MATN4: variants seen among roughly 807,000 people sequenced by gnomAD.
MATN4 encodes matrilin-4.
A neutral mutation model predicts 54.6 loss-of-function variants in MATN4; 40 were observed. The observed-to-expected ratio is 0.73, with a 90% CI of 0.57 to 0.95. MATN4 has a LOEUF of 0.95. MATN4 is among the 40% of genes least tolerant of loss of function. The pLI, the probability that MATN4 is intolerant of heterozygous loss-of-function variation, is 0.00. For synonymous variants in MATN4, 351 were observed against 345.3 expected (o/e 1.02, Z -0.18); for missense variants, 810 against 819.1 (o/e 0.99, Z 0.13).
At chr20:45,296,430 G>A (rs1448050983) in intron 8 of MATN4, among the ~76,000 whole-genome samples, 5 of 152,050 alleles carry the variant, frequency 3.3e-5, no homozygotes, top group Non-Finnish European at 7.4e-5. Flanking sequence ...CAAACTGCTG[G>A]AATCCAGCAA....
chr20:45,301,582 TG>T lies in MATN4; in HGVS notation c.644-140del. On this transcript the variant is annotated intron_variant, in intron 3 of 9. Transcript: ENST00000372756. ...TCCTGACCTAATTAGTCAGGGCCCCTGTCCTCAAGATGCTCTCTGACTTACA... is the reference window on the plus strand; with the variant it reads ...TCCTGACCTAATTAGTCAGGGCCCCTTCCTCAAGATGCTCTCTGACTTACA... The T allele has an allele frequency of 7.3e-6, 6 of 824,102 alleles. No homozygotes were observed. In the South Asian group the frequency reaches 9.1e-5, roughly 13 times the overall value. 51.0% of individuals were successfully genotyped at this position (824,102 alleles called of 1,614,324 possible).
Position 45,297,804 on chromosome 20 carries a change from A to G in MATN4, c.1579+114T>C, listed in dbSNP as rs1006662090. ...CATTTGGAGTAGCAAAGCTCTGTCT[A>G]GTGAGCCCAACCTCTGGCTATAACT... is the stretch of plus-strand genomic sequence containing the variant. On this transcript the variant is annotated intron_variant, in intron 8 of 9. Coordinates refer to ENST00000372756, the MANE Select transcript of MATN4 (RefSeq NM_001393530.1). 1.9e-5 allele frequency: 25 copies of G among 1,341,756 alleles called. 1 individual carries two copies. The South Asian group carries it at 3.1e-4, about 16-fold the overall frequency. 83.1% of individuals were successfully genotyped at this position (1,341,756 alleles called of 1,614,324 possible).
chr20:45,300,804 C>T, intron 6 of MATN4, 83 bp downstream of exon 6: 1 of 1,553,490 alleles, frequency 6.4e-7, no homozygotes, highest in Non-Finnish European at 8.7e-7. Flanking sequence ...GCCTAGGGGC[C>T]ACAGCAATGG....
intron 1 of MATN4, chr20:45,306,984 G>A (rs1196002670): frequency 8.1e-7 from 1 of 1,227,818 alleles, no homozygotes; most frequent in Non-Finnish European, 1.0e-6. Context: ...GACGCCCCGT[G>A]AGAACTACGA....
Position 45,298,809 on chromosome 20 carries a change from G to A in MATN4, c.1013-226C>T, listed in dbSNP as rs1986039824. Among the ~76,000 whole-genome samples, 1 of 152,076 alleles carries A rather than the reference G, an allele frequency of 6.6e-6. No individual in the cohort carries two copies. Among genetic ancestry groups the A allele is most frequent in the Admixed American group, 6.6e-5 (1 of 15,264 alleles). ...GCCCTTGACATTTATTCAGTGCTTAGAACAAACCACTCTGCTAAAAGCATC... is the reference window on the plus strand; with the variant it reads ...GCCCTTGACATTTATTCAGTGCTTAAAACAAACCACTCTGCTAAAAGCATC... On this transcript the variant is annotated intron_variant, in intron 6 of 9. Transcript: ENST00000372756. The surrounding 1 kb of genome is among the most constrained non-coding windows in gnomAD (Gnocchi z 4.6).
chr20:45,308,525 A>G (rs757163375), upstream of MATN4: 331 of 490,218 alleles, frequency 6.8e-4, 1 homozygote, highest in Middle Eastern at 1.1e-3. Context: ...CGGGGCAGCC[A>G]CACTCCACAG....
At chr20:45,305,805 C>CTTTTTTTTTCTTTTTTTTTTT (rs1986597996) in intron 1 of MATN4, among the ~76,000 whole-genome samples, 189 bp from the exon 2 acceptor site, 1 of 64,676 alleles carries the variant, frequency 1.5e-5, no homozygotes, top group Non-Finnish European at 2.6e-5. Context: ...ACAAGAGATT[C>CTTTTTTTTTCTTTTTTTTTTT]TTTTTTTTTT....
In MATN4 at chr20:45,305,613, G is replaced by C. The variant is rs1327636673; in HGVS notation, c.-31C>G. ...TTGGGGACAGAGAATGGAGGTGTCA[G>C]AGCCTGGAGGGAGGAAGGAAAATAG... On this transcript the variant is annotated 5_prime_UTR_variant, in exon 2 of 10. Transcript: ENST00000372756. 4 of 1,487,234 alleles carry C rather than the reference G, an allele frequency of 2.7e-6. 1 individual carries two copies. The South Asian group carries it at 3.6e-5, about 13-fold the overall frequency. 92.1% of individuals were successfully genotyped at this position (1,487,234 alleles called of 1,614,324 possible).
rs757086891 is a variant in MATN4, at chr20:45,298,426, C to T, written c.1170G>A (p.Ser390=). 1.2e-6 allele frequency: 2 copies of T among 1,613,300 alleles called. No individual in the cohort carries two copies. The highest frequency in any genetic ancestry group is 1.7e-5 in the Admixed American group (1 of 60,000). The part of the protein sequence containing the change: ...EGTRVGLVQF[S]SRVRTEFPLG... ...GAGGGAACTCGGTGCGCACGCGGCTCGAGAACTGCACCAGCCCCACCCGCG... is the reference window on the plus strand; with the variant it reads ...GAGGGAACTCGGTGCGCACGCGGCTTGAGAACTGCACCAGCCCCACCCGCG... The change falls in exon 7 of 10, where the codon TCG becomes TCA. Residue 390 remains serine, a synonymous_variant. Transcript: ENST00000372756. This position sits in a 1 kb window ranked among gnomAD's most constrained non-coding sequence, Gnocchi z 4.6.
intron 8 of MATN4, among the ~76,000 whole-genome samples, chr20:45,295,638 C>T (rs966036219): frequency 2.6e-5 from 4 of 152,100 alleles, no homozygotes; most frequent in South Asian, 4.1e-4. Context: ...CTGCCCACCT[C>T]GGCCTCCCAA....
chr20:45,307,349 C>A (rs1986808655), intron 1 of MATN4, among the ~76,000 whole-genome samples: 2 of 152,286 alleles, frequency 1.3e-5, no homozygotes, highest in African/African-American at 2.4e-5. Flanking sequence ...CTTCTCATCC[C>A]GGATTCTTCT....
In MATN4 at chr20:45,301,020, A is replaced by G; in HGVS notation, c.890-11T>C. On this transcript the variant is annotated splice_polypyrimidine_tract_variant and intron_variant, in intron 5 of 9. Transcript: ENST00000372756. Reference sequence around the variant, plus strand: ...TGCAAAGGTCCCGGACTGAAAGGAGAGACAGGTCAGGATGAGTCAGGATGG... The same window carrying G: ...TGCAAAGGTCCCGGACTGAAAGGAGGGACAGGTCAGGATGAGTCAGGATGG... The G allele has an allele frequency of 1.9e-6, 3 of 1,614,108 alleles. No individual in the cohort carries two copies. In the African/African-American group the frequency reaches 4.0e-5, roughly 22 times the overall value.
intron 6 of MATN4, among the ~76,000 whole-genome samples, chr20:45,300,678 T>C (rs144218756): frequency 0.012 from 1,775 of 152,292 alleles, 19 homozygotes; most frequent in Non-Finnish European, 0.02. Context: ...TGATCAAATA[T>C]GTATTTTTAA....
At chr20:45,306,430 T>G (rs1042861800) in intron 1 of MATN4, among the ~76,000 whole-genome samples, 1 of 152,132 alleles carries the variant, frequency 6.6e-6, no homozygotes. Context: ...GGCGAACCTC[T>G]GCAGACAGAA....
intron 3 of MATN4, among the ~76,000 whole-genome samples, chr20:45,303,103 A>G (rs200416078): frequency 0.045 from 3,907 of 86,526 alleles, 72 homozygotes; most frequent in Middle Eastern, 0.061. Context: ...AAAAAAAAAA[A>G]AGAGAGAGAG....
In MATN4 at chr20:45,293,829, A is replaced by T. The variant is rs1227509500; in HGVS notation, c.1688-4T>A. On this transcript the variant is annotated splice_region_variant and splice_polypyrimidine_tract_variant and intron_variant, in intron 9 of 9. Coordinates refer to ENST00000372756, the MANE Select transcript of MATN4 (RefSeq NM_001393530.1). ...AGGCGCGCCGTCAGCTGGGCCAGTG[A>T]GCGGTTAAGGAGGCCGTTGGGGTTC... 6.2e-7 allele frequency: 1 copy of T among 1,611,448 alleles called. No homozygotes were observed. Among genetic ancestry groups the T allele is most frequent in the Non-Finnish European group, 8.5e-7 (1 of 1,179,946 alleles).
chr20:45,305,664 T>G, intron 1 of MATN4, 48 bp from the exon 2 acceptor site: 1 of 957,762 alleles, frequency 1.0e-6, no homozygotes, highest in Non-Finnish European at 1.6e-6. Flanking sequence ...TACAGAGCTC[T>G]TATTCTGGGT....
Position 45,301,406 on chromosome 20 carries a change from C to T in MATN4, c.681G>A (p.Glu227=), listed in dbSNP as rs772811942. 6.2e-7 allele frequency: 1 copy of T among 1,614,050 alleles called. No individual in the cohort carries two copies. Among genetic ancestry groups the T allele is most frequent in the Non-Finnish European group, 8.5e-7 (1 of 1,180,024 alleles). ...DLCAEGTHGC[E]HHCVNSPGSY... ...AGCCTGGGGAATTGACGCAGTGGTG[C>T]TCACATCCATGGGTCCCTTCAGCAC... Residue 227 remains glutamate (E), a synonymous_variant, in exon 4 of 10, where the codon GAG becomes GAA. Transcript: ENST00000372756.
chr20:45,297,975 G>T lies in MATN4; in HGVS notation c.1522C>A (p.Pro508Thr). Residue 508 changes from proline (P) to threonine (T), a missense_variant, in exon 8 of 10, where the codon CCG (proline) becomes ACG (threonine). Transcript: ENST00000372756. The stretch of plus-strand genomic sequence containing the variant: ...AGGTGCGTCATGGTGCCGAAGTCCG[G>T]GGCATAGGACACGTGCAGTTCCGCT... ...EPAELHVSYA[P>T]DFGTMTHLLE... The T allele has an allele frequency of 2.5e-6, 4 of 1,614,118 alleles. No homozygotes were observed. The highest frequency in any genetic ancestry group is 3.4e-6 in the Non-Finnish European group (4 of 1,180,024).
Sources: allele counts gnomAD v4.1 joint callset (sites outside exome capture counted in the v4.1 genomes callset), GRCh38; gene constraint gnomAD v4.1.1; non-coding constraint Gnocchi (gnomAD v3.1); transcripts MANE v1.5; gene names NCBI Gene and HGNC (gene_info 2026-07-23, HGNC 2026-07-21).